Variants in SOX6 observed in about 807,000 individuals in gnomAD.
SOX6 encodes transcription factor SOX-6.
A neutral mutation model predicts 97.8 loss-of-function variants in SOX6; 11 were observed. The ratio of observed to expected loss-of-function variants is 0.11; its 90% CI spans 0.07 to 0.19. SOX6 has a LOEUF of 0.19. SOX6 is among the 10% of genes least tolerant of loss of function. The pLI, the probability that SOX6 is intolerant of heterozygous loss-of-function variation, is 1.00. For missense variants in SOX6, 810 were observed against 1,039.5 expected (o/e 0.78, Z 3.04); for synonymous variants, 360 against 371.4 (o/e 0.97, Z 0.35).
intron 4 of SOX6, among the ~76,000 whole-genome samples, chr11:16,488,371 A>C (rs11605526): frequency 0.17 from 25,425 of 152,162 alleles, 2,618 homozygotes; most frequent in Admixed American, 0.3. Context: ...AATAAAAAAA[A>C]ATACTTTTAA....
intron 2 of SOX6, among the ~76,000 whole-genome samples, chr11:16,725,999 TG>T (rs1180744831): frequency 2.0e-5 from 3 of 152,242 alleles, no homozygotes; most frequent in Non-Finnish European, 4.4e-5. Context: ...CTATTTGAAC[TG>T]TCTTAAAACT....
chr11:16,140,342 TTA>T (rs1850097677), intron 6 of SOX6, among the ~76,000 whole-genome samples: 1 of 152,176 alleles, frequency 6.6e-6, no homozygotes, highest in Non-Finnish European at 1.5e-5. Flanking sequence ...CTAATATGTT[TTA>T]TGTTCCTACT....
intron 4 of SOX6, among the ~76,000 whole-genome samples, chr11:16,519,125 C>A (rs1002261266): frequency 9.2e-5 from 14 of 152,114 alleles, no homozygotes; most frequent in Admixed American, 2.0e-4. Flanking sequence ...CCCCACTTAG[C>A]AGATTTTGAG....
chr11:16,575,517 G>C (rs1308175103), intron 4 of SOX6, among the ~76,000 whole-genome samples: 1 of 152,102 alleles, frequency 6.6e-6, no homozygotes, highest in Non-Finnish European at 1.5e-5. Flanking sequence ...TAAAAATAAA[G>C]AGGATAAACA....
intron 4 of SOX6, among the ~76,000 whole-genome samples, chr11:16,481,827 A>G (rs887181961): frequency 2.0e-5 from 3 of 152,208 alleles, no homozygotes; most frequent in African/African-American, 7.2e-5. Flanking sequence ...TGTTACATTT[A>G]TCAATACTTA....
At chr11:16,162,998 G>A (rs1299057578) in intron 6 of SOX6, among the ~76,000 whole-genome samples, 9 of 151,474 alleles carry the variant, frequency 5.9e-5, no homozygotes, top group Admixed American at 5.9e-4. Context: ...AAGAGAGTAG[G>A]GTGAATAAAG....
chr11:16,334,700 TTA>T (rs1477747640), intron 2 of SOX6, among the ~76,000 whole-genome samples: 3 of 152,114 alleles, frequency 2.0e-5, no homozygotes, highest in African/African-American at 7.2e-5. Context: ...AGTGCTGGGA[TTA>T]CAGGTATGAG....
chr11:16,406,486 A>G (rs1858689413), intron 1 of SOX6, among the ~76,000 whole-genome samples: 3 of 152,246 alleles, frequency 2.0e-5, no homozygotes, highest in South Asian at 2.1e-4. Flanking sequence ...ACTCTGCTCC[A>G]TATGTCTCAT....
intron 12 of SOX6, among the ~76,000 whole-genome samples, chr11:16,033,296 G>A (rs548827034): frequency 6.6e-6 from 1 of 152,118 alleles, no homozygotes; most frequent in Non-Finnish European, 1.5e-5. Flanking sequence ...TATACAGTAT[G>A]TTCATCATTT....
At chr11:16,278,389 A>G (rs1854460398) in intron 3 of SOX6, among the ~76,000 whole-genome samples, 1 of 152,152 alleles carries the variant, frequency 6.6e-6, no homozygotes, top group Admixed American at 6.6e-5. Context: ...TAAACAATAC[A>G]GTAATTATGA....
At position 16,246,983 on chromosome 11, in the gene SOX6, T is replaced by G. The variant is rs1246341101; in HGVS notation, c.446-12312A>C. ...TTATCATTAACTATAGAAACCCTCC[T>G]GTGATACCAAATACTAGCTCTTTTT... On this transcript the variant is annotated intron_variant, in intron 3 of 15. Coordinates refer to ENST00000683767, the MANE Select transcript of SOX6 (RefSeq NM_001367873.1). Among the ~76,000 whole-genome samples, 3 of 152,136 alleles carry G rather than the reference T, an allele frequency of 2.0e-5. 1 individual carries two copies. The South Asian group carries it at 6.2e-4, about 31-fold the overall frequency.
intron 3 of SOX6, among the ~76,000 whole-genome samples, chr11:16,694,529 A>G (rs1466983754): frequency 6.6e-6 from 1 of 152,224 alleles, no homozygotes; most frequent in Non-Finnish European, 1.5e-5. Flanking sequence ...TCTCTATAAA[A>G]AAATAAATAA....
intron 12 of SOX6, among the ~76,000 whole-genome samples, chr11:16,017,767 AC>A (rs1854932147): frequency 6.6e-6 from 1 of 152,094 alleles, no homozygotes; most frequent in African/African-American, 2.4e-5. Flanking sequence ...CCTATATGGA[AC>A]AAATATAGAC....
At chr11:16,250,396 A>T (rs1377636054) in intron 3 of SOX6, among the ~76,000 whole-genome samples, 1 of 152,200 alleles carries the variant, frequency 6.6e-6, no homozygotes, top group African/African-American at 2.4e-5. Context: ...TATATCACAT[A>T]TAAATGGACT....
intron 1 of SOX6, among the ~76,000 whole-genome samples, chr11:16,367,405 A>G (rs1174368274): frequency 6.6e-6 from 1 of 152,170 alleles, no homozygotes; most frequent in Non-Finnish European, 1.5e-5. Flanking sequence ...GAGACAGTAT[A>G]CATACTGAGA....
At chr11:16,437,949 A>G (rs1004966023) in intron 1 of SOX6, among the ~76,000 whole-genome samples, 4 of 152,196 alleles carry the variant, frequency 2.6e-5, no homozygotes, top group African/African-American at 9.6e-5. Context: ...GAGTGTAGGG[A>G]AGATCTTTTT....
chr11:16,021,196 T>C (rs963512010), intron 12 of SOX6, among the ~76,000 whole-genome samples: 40 of 152,198 alleles, frequency 2.6e-4, no homozygotes, highest in African/African-American at 9.2e-4. Context: ...ATATCATAGA[T>C]GCTTGGCTTA....
chr11:16,139,151 G>A (rs1038901019), intron 6 of SOX6, among the ~76,000 whole-genome samples: 4 of 152,046 alleles, frequency 2.6e-5, no homozygotes, highest in Non-Finnish European at 4.4e-5. Flanking sequence ...TGTTAATGTC[G>A]CCTGAGTAAT....
chr11:16,277,804 T>C (rs1380335768), intron 3 of SOX6, among the ~76,000 whole-genome samples: 1 of 152,236 alleles, frequency 6.6e-6, no homozygotes, highest in Non-Finnish European at 1.5e-5. Context: ...GTTTAATATA[T>C]AGCAAGATAA....
Sources: allele counts gnomAD v4.1 joint callset (sites outside exome capture counted in the v4.1 genomes callset), GRCh38; gene constraint gnomAD v4.1.1; transcripts MANE v1.5; gene names NCBI Gene and HGNC (gene_info 2026-07-23, HGNC 2026-07-21).